The following FBXL7 variants were observed in gnomAD, a reference collection of about 807,000 sequenced individuals.
FBXL7 encodes the protein F-box/LRR-repeat protein 7.
FBXL7 carries 12 observed loss-of-function variants against 38.3 expected under a neutral mutation model. The observed-to-expected ratio is 0.31, with a 90% CI of 0.20 to 0.51. The LOEUF (loss-of-function observed/expected upper bound fraction) is 0.51, where lower values mean the gene tolerates loss of function less well. Among genes scored for constraint, FBXL7 ranks in the 20% least tolerant of loss-of-function variants. The probability of loss-of-function intolerance (pLI) is 0.98; values close to 1 mark genes in which losing one functional copy is unlikely to be tolerated. For synonymous variants in FBXL7, 297 were observed against 300.9 expected (o/e 0.99, Z 0.13); for missense variants, 567 against 676.4 (o/e 0.84, Z 1.79).
intron 2 of FBXL7, among the ~76,000 whole-genome samples, chr5:15,753,827 G>A (rs1736218633): frequency 1.3e-5 from 2 of 152,026 alleles, no homozygotes; most frequent in South Asian, 4.1e-4. Flanking sequence ...ATTTTTTTAA[G>A]ACAGAAGTCC....
intron 1 of FBXL7, among the ~76,000 whole-genome samples, chr5:15,591,298 G>A (rs535310739): frequency 4.6e-5 from 7 of 151,896 alleles, no homozygotes; most frequent in South Asian, 2.1e-4. Context: ...GCATGGTGGC[G>A]GGCGCCTGTA....
chr5:15,525,471 G>A (rs1481077157), intron 1 of FBXL7, among the ~76,000 whole-genome samples: 2 of 152,144 alleles, frequency 1.3e-5, no homozygotes, highest in Admixed American at 6.5e-5. Flanking sequence ...TTTTGCAAAT[G>A]AGGACATTGA....
intron 2 of FBXL7, among the ~76,000 whole-genome samples, chr5:15,713,246 C>G (rs1346094273): frequency 1.3e-5 from 2 of 152,148 alleles, no homozygotes; most frequent in Non-Finnish European, 1.5e-5. Flanking sequence ...AAAAGGGAAA[C>G]TCTTTATGCG....
intron 2 of FBXL7, among the ~76,000 whole-genome samples, chr5:15,701,688 GCAATA>G (rs1174072065): frequency 6.6e-6 from 1 of 152,104 alleles, no homozygotes; most frequent in Non-Finnish European, 1.5e-5. Context: ...CAATATTCAT[GCAATA>G]AAAAAATGCA....
intron 2 of FBXL7, among the ~76,000 whole-genome samples, chr5:15,679,615 A>G (rs1411021893): frequency 4.6e-5 from 7 of 151,128 alleles, no homozygotes; most frequent in African/African-American, 1.7e-4. Context: ...TAGACATGCC[A>G]AAATGTATTT....
At chr5:15,813,586 T>C (rs894762782) in intron 2 of FBXL7, among the ~76,000 whole-genome samples, 3 of 151,928 alleles carry the variant, frequency 2.0e-5, no homozygotes, top group Non-Finnish European at 4.4e-5. Flanking sequence ...GGGATCTAAT[T>C]AAACTAAAGA....
intron 1 of FBXL7, among the ~76,000 whole-genome samples, chr5:15,548,112 AG>A (rs1737969483): frequency 6.6e-6 from 1 of 152,242 alleles, no homozygotes; most frequent in Non-Finnish European, 1.5e-5. Context: ...AGACTATCTT[AG>A]GAGTGCTCTA....
At chr5:15,596,805 G>A (rs2126487759) in intron 1 of FBXL7, among the ~76,000 whole-genome samples, 1 of 152,302 alleles carries the variant, frequency 6.6e-6, no homozygotes, top group Non-Finnish European at 1.5e-5. Flanking sequence ...CCAGAAAGCT[G>A]AATGCATGGA....
chr5:15,686,472 A>G (rs1213582483), intron 2 of FBXL7, among the ~76,000 whole-genome samples: 3 of 152,104 alleles, frequency 2.0e-5, no homozygotes, highest in South Asian at 2.1e-4. Flanking sequence ...CTCTATCTGA[A>G]TCACCCCATC....
chr5:15,872,120 G>T (rs1180901964), intron 2 of FBXL7, among the ~76,000 whole-genome samples: 1 of 152,128 alleles, frequency 6.6e-6, no homozygotes, highest in Non-Finnish European at 1.5e-5. Flanking sequence ...ACAAGACAGT[G>T]GGGGACAATA....
chr5:15,717,042 A>G (rs868818654), intron 2 of FBXL7, among the ~76,000 whole-genome samples: 1 of 152,192 alleles, frequency 6.6e-6, no homozygotes, highest in Admixed American at 6.5e-5. Context: ...ATTCCTGCAT[A>G]TTTTTAGCTT....
At position 15,722,212 on chromosome 5, in the gene FBXL7, TTG is replaced by T. The variant is rs1744216154; in HGVS notation, c.127+106141_127+106142del. Among the ~76,000 whole-genome samples the T allele has an allele frequency of 2.6e-5, 4 of 152,296 alleles. No individual in the cohort carries two copies. The South Asian group carries it at 8.3e-4, about 32-fold the overall frequency. On this transcript the variant is annotated intron_variant, in intron 2 of 3. Coordinates refer to ENST00000504595, the MANE Select transcript of FBXL7 (RefSeq NM_012304.5). ...CACTCAAAAATATACTGTAAACTTA[TTG>T]ATACCAGTTTTTTACTATTATAAAA...
chr5:15,543,688 C>T lies in FBXL7; in HGVS notation c.37+42975C>T, dbSNP rs574020385. Among the ~76,000 whole-genome samples, 25 of 152,266 alleles carry T rather than the reference C, an allele frequency of 1.6e-4. No homozygotes were observed. In the Middle Eastern group the frequency reaches 0.014, roughly 83 times the overall value. On this transcript the variant is annotated intron_variant, in intron 1 of 3. Coordinates refer to ENST00000504595, the MANE Select transcript of FBXL7 (RefSeq NM_012304.5). ...CAAGTCAGGGTCTGGTTATCAGTCG[C>T]ATGTGCTAAACACTAAAAATTAGCT...
At chr5:15,626,539 G>A (rs1382521071) in intron 2 of FBXL7, among the ~76,000 whole-genome samples, 5 of 104,036 alleles carry the variant, frequency 4.8e-5, no homozygotes, top group South Asian at 3.0e-4. Context: ...AAGAAAATTC[G>A]TTTCCTGTGT....
intron 2 of FBXL7, among the ~76,000 whole-genome samples, chr5:15,665,671 A>G (rs1742250097): frequency 6.6e-6 from 1 of 152,200 alleles, no homozygotes; most frequent in Non-Finnish European, 1.5e-5. Flanking sequence ...ATAATCCTTC[A>G]GATGAACAGA....
At chr5:15,839,939 T>C (rs368465741) in intron 2 of FBXL7, among the ~76,000 whole-genome samples, 13 of 152,340 alleles carry the variant, frequency 8.5e-5, no homozygotes, top group Admixed American at 5.9e-4. Context: ...AATGGTTACA[T>C]TGATTACATT....
chr5:15,677,474 AAGAG>A (rs1554013981), intron 2 of FBXL7, among the ~76,000 whole-genome samples: 9 of 149,082 alleles, frequency 6.0e-5, no homozygotes, highest in South Asian at 2.1e-4. Flanking sequence ...AAAAGAAAGA[AAGAG>A]AGAGAGAGAG....
chr5:15,586,268 C>T (rs1205000233), intron 1 of FBXL7, among the ~76,000 whole-genome samples: 1 of 107,068 alleles, frequency 9.3e-6, no homozygotes, highest in African/African-American at 3.6e-5. Context: ...CCCCTCCCCT[C>T]CCCCCTCCCC....
intron 2 of FBXL7, among the ~76,000 whole-genome samples, chr5:15,796,755 T>C (rs976219731): frequency 6.6e-6 from 1 of 152,158 alleles, no homozygotes; most frequent in Non-Finnish European, 1.5e-5. Context: ...CCGGGATCCA[T>C]TGTGTGAGGC....
Sources: gnomAD v4.1 joint callset for allele counts (sites outside exome capture counted in the v4.1 genomes callset) on GRCh38, gnomAD v4.1.1 for gene constraint, MANE v1.5 for transcripts, NCBI Gene and HGNC (gene_info 2026-07-23, HGNC 2026-07-21) for gene names.